The following CAPRIN1 variants were observed in gnomAD, a reference collection of about 807,000 sequenced individuals.
CAPRIN1 encodes cell cycle associated protein 1.
A neutral mutation model predicts 100.9 loss-of-function variants in CAPRIN1; 29 were observed. The ratio of observed to expected loss-of-function variants is 0.29; its 90% CI spans 0.21 to 0.39. The LOEUF (loss-of-function observed/expected upper bound fraction) is 0.39. Among genes scored for constraint, CAPRIN1 ranks in the 10% least tolerant of loss-of-function variants. The pLI, the probability that CAPRIN1 is intolerant of heterozygous loss-of-function variation, is 1.00. For synonymous variants in CAPRIN1, 338 were observed against 307.5 expected (o/e 1.10, Z -1.04); for missense variants, 795 against 876.7 (o/e 0.91, Z 1.18).
At position 34,070,839 on chromosome 11, in the gene CAPRIN1, A is replaced by G. The variant is rs571753282; in HGVS notation, c.217-887A>G. Among the ~76,000 whole-genome samples the G allele has an allele frequency of 5.9e-5, 9 of 151,840 alleles. No individual in the cohort carries two copies. The East Asian group carries it at 1.7e-3, about 30-fold the overall frequency. ...CGCCTCAGCCTCCTGAGTAGCTGGG[A>G]TTACAGGCATGCACCACCATGCCCA... On this transcript the variant is annotated intron_variant, in intron 2 of 18. Coordinates refer to ENST00000341394, the MANE Select transcript of CAPRIN1 (RefSeq NM_005898.5).
intron 4 of CAPRIN1, among the ~76,000 whole-genome samples, chr11:34,072,808 G>A (rs1208220189): frequency 6.6e-6 from 1 of 152,198 alleles, no homozygotes; most frequent in African/African-American, 2.4e-5. Flanking sequence ...TGATGTTTCA[G>A]TCAACTTTGG....
At chr11:34,073,880 A>C (rs1850853161) in intron 4 of CAPRIN1, among the ~76,000 whole-genome samples, 1 of 152,212 alleles carries the variant, frequency 6.6e-6, no homozygotes, top group African/African-American at 2.4e-5. Flanking sequence ...TATATAAAGA[A>C]CAGAAATTTG....
chr11:34,065,786 G>C (rs1850677026), intron 2 of CAPRIN1, among the ~76,000 whole-genome samples: 1 of 151,998 alleles, frequency 6.6e-6, no homozygotes, highest in South Asian at 2.1e-4. Context: ...AATAAGTTTT[G>C]GTATTTCCTC....
At chr11:34,089,094 C>T (rs919426805) in intron 11 of CAPRIN1, among the ~76,000 whole-genome samples, 6 of 151,568 alleles carry the variant, frequency 4.0e-5, no homozygotes, top group Admixed American at 2.6e-4. Flanking sequence ...CATGGCGAAA[C>T]CCTGTCTCTA....
Position 34,086,417 on chromosome 11 carries a change from A to G in CAPRIN1, c.1231+4A>G. 1 of 1,552,920 alleles carries G rather than the reference A, an allele frequency of 6.4e-7. No individual in the cohort carries two copies. ...CCCCAGCTGGTTTGCCCTCCAGGTT[A>G]GTAGTGGTACATTTTTATGTGAGAG... On this transcript the variant is annotated splice_donor_region_variant and intron_variant, in intron 11 of 18. Coordinates refer to ENST00000341394, the MANE Select transcript of CAPRIN1 (RefSeq NM_005898.5).
chr11:34,069,188 G>C (rs1482554911), intron 2 of CAPRIN1, among the ~76,000 whole-genome samples: 1 of 123,174 alleles, frequency 8.1e-6, no homozygotes, highest in Non-Finnish European at 1.7e-5. Context: ...GTCTCGCTTT[G>C]TCCCAGGCTG....
Position 34,096,345 on chromosome 11 carries a change from T to C in CAPRIN1, c.1706-134T>C, listed in dbSNP as rs1851367182. ...AGACTTTATTCATGTGTAGTTTTTC[T>C]TATCATTGTATGCAAATTTAAGGAT... On this transcript the variant is annotated intron_variant, in intron 15 of 18. Coordinates refer to ENST00000341394, the MANE Select transcript of CAPRIN1 (RefSeq NM_005898.5). 12 of 603,158 alleles carry C rather than the reference T, an allele frequency of 2.0e-5. 1 individual carries two copies. In the South Asian group the frequency reaches 2.7e-4, roughly 14 times the overall value. The allele number at this position is 603,158 out of a possible 1,614,324, so 37.4% of individuals were successfully genotyped here.
At chr11:34,096,393 A>G (rs1185904468) in intron 15 of CAPRIN1, 86 bp from the exon 16 acceptor site, 3 of 927,688 alleles carry the variant, frequency 3.2e-6, no homozygotes, top group South Asian at 2.9e-5. Flanking sequence ...AGACTGTATA[A>G]GACACTTCTT....
chr11:34,068,700 A>G (rs1353397626), intron 2 of CAPRIN1, among the ~76,000 whole-genome samples: 5 of 152,210 alleles, frequency 3.3e-5, no homozygotes, highest in Non-Finnish European at 5.9e-5. Flanking sequence ...CTATATGTTC[A>G]TTGCACAGTA....
At chr11:34,052,380 CCTT>C (rs1850337987) in intron 1 of CAPRIN1, 38 bp from the exon 2 acceptor site, 1 of 1,538,416 alleles carries the variant, frequency 6.5e-7, no homozygotes, top group South Asian at 1.1e-5. Flanking sequence ...CCGCTCTTGT[CCTT>C]CCTCCCGCTT....
intron 12 of CAPRIN1, among the ~76,000 whole-genome samples, chr11:34,089,714 G>T (rs1205412635): frequency 6.6e-6 from 1 of 152,142 alleles, no homozygotes; most frequent in Non-Finnish European, 1.5e-5. Flanking sequence ...CAAGTCTTCT[G>T]TTGGAATTCA....
intron 4 of CAPRIN1, among the ~76,000 whole-genome samples, chr11:34,074,338 G>T (rs1354733008): frequency 6.6e-6 from 1 of 152,108 alleles, no homozygotes; most frequent in African/African-American, 2.4e-5. Context: ...CTTTCTCTGA[G>T]CTTTAACTTC....
chr11:34,076,705 T>C (rs937168193), intron 6 of CAPRIN1, 63 bp downstream of exon 6: 8 of 1,169,360 alleles, frequency 6.8e-6, no homozygotes, highest in East Asian at 2.4e-5. Flanking sequence ...AATTTTCTTA[T>C]GTTTATAGTT....
intron 7 of CAPRIN1, among the ~76,000 whole-genome samples, chr11:34,080,215 G>A (rs777751332): frequency 2.0e-5 from 3 of 152,110 alleles, no homozygotes; most frequent in African/African-American, 4.8e-5. Context: ...GAGCCACTGC[G>A]CCCGGCCTTG....
At chr11:34,066,128 A>G (rs1664866918) in intron 2 of CAPRIN1, among the ~76,000 whole-genome samples, 1 of 151,994 alleles carries the variant, frequency 6.6e-6, no homozygotes, top group East Asian at 1.9e-4. Flanking sequence ...GGTGCGCGCC[A>G]CCAGGCCCGG....
chr11:34,061,726 T>C (rs1850582444), intron 2 of CAPRIN1, among the ~76,000 whole-genome samples: 1 of 151,780 alleles, frequency 6.6e-6, no homozygotes, highest in Admixed American at 6.6e-5. Context: ...TCCTAACACT[T>C]TTGGGAGGCT....
intron 2 of CAPRIN1, chr11:34,053,077 G>A (rs1850364498): frequency 1.9e-6 from 2 of 1,026,746 alleles, no homozygotes; most frequent in African/African-American, 1.7e-5. Context: ...GAGTTGGGGC[G>A]GCCTGCGTCC....
intron 6 of CAPRIN1, among the ~76,000 whole-genome samples, chr11:34,079,062 T>G (rs1850960435): frequency 6.6e-6 from 1 of 152,218 alleles, no homozygotes; most frequent in African/African-American, 2.4e-5. Context: ...TACTTTTGAA[T>G]GAATAAATGT....
intron 2 of CAPRIN1, among the ~76,000 whole-genome samples, chr11:34,058,060 G>C (rs887887749): frequency 2.0e-5 from 3 of 151,948 alleles, no homozygotes; most frequent in Non-Finnish European, 2.9e-5. Flanking sequence ...TTAGAATTTA[G>C]TCCAGTTCAT....
Sources: allele counts gnomAD v4.1 joint callset (sites outside exome capture counted in the v4.1 genomes callset), GRCh38; gene constraint gnomAD v4.1.1; transcripts MANE v1.5; gene names NCBI Gene and HGNC (gene_info 2026-07-23, HGNC 2026-07-21).